Variants in SUPT3H observed in about 807,000 individuals in gnomAD.
The protein encoded by SUPT3H is SPT3 homolog, SAGA and STAGA complex component.
Under a neutral mutation model 44.3 loss-of-function variants are expected in SUPT3H, and 44 were observed. That is an observed-to-expected ratio of 0.99 (90% confidence interval 0.78 to 1.28). The LOEUF is 1.28. Ranked by LOEUF, SUPT3H falls within the 50% of genes most tolerant of loss-of-function variation. SUPT3H has a pLI of 0.00. For synonymous variants in SUPT3H, 124 were observed against 125.6 expected (o/e 0.99, Z 0.09); for missense variants, 380 against 387.1 (o/e 0.98, Z 0.15).
chr6:45,234,524 C>CT (rs1768707798), intron 2 of SUPT3H, among the ~76,000 whole-genome samples: 1 of 106,232 alleles, frequency 9.4e-6, no homozygotes, highest in Non-Finnish European at 1.9e-5. Context: ...GAACGAGACG[C>CT]TGTCACAAAA....
chr6:44,955,481 G>A (rs1392252585), intron 7 of SUPT3H: 1 of 152,282 alleles, frequency 6.6e-6, no homozygotes, highest in Non-Finnish European at 1.5e-5. Flanking sequence ...GGCGACCTGC[G>A]TGGGGCAACA....
chr6:45,107,879 G>GC (rs1406371218), intron 2 of SUPT3H, among the ~76,000 whole-genome samples: 4 of 152,012 alleles, frequency 2.6e-5, no homozygotes, highest in Non-Finnish European at 5.9e-5. Context: ...AGTAATTTAT[G>GC]TTTTTTTAAA....
chr6:45,365,358 A>G, intron 1 of SUPT3H, 57 bp from the exon 2 acceptor site: 1 of 1,107,320 alleles, frequency 9.0e-7, no homozygotes, highest in South Asian at 1.4e-5. Flanking sequence ...AGTAAATGCA[A>G]AAAAAAAAGA....
intron 2 of SUPT3H, among the ~76,000 whole-genome samples, chr6:45,158,299 T>TATATATATATATATATATA (rs1491302388): frequency 2.0e-3 from 27 of 13,392 alleles, no homozygotes; most frequent in African/African-American, 6.0e-3. Flanking sequence ...TATATATATA[T>TATATATATATATATATATA]TTTTTTTTTT....
Position 45,365,606 on chromosome 6 carries a change from GT to G in SUPT3H, c.1-306del, listed in dbSNP as rs199764028. Among the ~76,000 whole-genome samples, 7 of 149,342 alleles carry G rather than the reference GT, an allele frequency of 4.7e-5. No homozygotes were observed. In the East Asian group the frequency reaches 7.8e-4, roughly 17 times the overall value. Reference sequence around the variant, plus strand: ...TAACATATTTTACTAGAGCTCATTGGTTTTCAAAATGTGCTTCAGGGAGCCC... The same window carrying G: ...TAACATATTTTACTAGAGCTCATTGGTTTCAAAATGTGCTTCAGGGAGCCC... On this transcript the variant is annotated intron_variant, in intron 1 of 10. Transcript: ENST00000371459.
intron 9 of SUPT3H, among the ~76,000 whole-genome samples, chr6:44,950,501 A>C (rs2153472586): frequency 6.6e-6 from 1 of 152,330 alleles, no homozygotes; most frequent in South Asian, 2.1e-4. Flanking sequence ...AGTCCCAGCT[A>C]CATGGAAGGA....
chr6:45,310,496 C>T (rs927414617), intron 2 of SUPT3H, among the ~76,000 whole-genome samples: 6 of 152,108 alleles, frequency 3.9e-5, no homozygotes, highest in Non-Finnish European at 7.4e-5. Flanking sequence ...AGCATTAAAC[C>T]ACCAAAGCTA....
chr6:44,922,079 C>T (rs1768819030), intron 10 of SUPT3H, among the ~76,000 whole-genome samples: 1 of 152,220 alleles, frequency 6.6e-6, no homozygotes, highest in Admixed American at 6.5e-5. Flanking sequence ...GGTGCCAGGG[C>T]AAAAATTAAC....
chr6:45,007,798 G>A (rs1319325786), intron 5 of SUPT3H, among the ~76,000 whole-genome samples: 1 of 147,700 alleles, frequency 6.8e-6, no homozygotes, highest in African/African-American at 2.5e-5. Context: ...GTAAGGGTTT[G>A]AGTGGAGGAT....
chr6:45,184,375 G>C (rs538067975), intron 2 of SUPT3H, among the ~76,000 whole-genome samples: 1 of 152,078 alleles, frequency 6.6e-6, no homozygotes, highest in East Asian at 1.9e-4. Flanking sequence ...CAGGGGAAAT[G>C]GTAATAATGA....
chr6:45,347,681 T>G (rs1197429616), intron 2 of SUPT3H, among the ~76,000 whole-genome samples: 1 of 152,084 alleles, frequency 6.6e-6, no homozygotes, highest in Non-Finnish European at 1.5e-5. Context: ...CATAATCCTG[T>G]GAGATTATTC....
chr6:45,099,757 ATAAT>A (rs1338802790), intron 3 of SUPT3H, among the ~76,000 whole-genome samples: 1 of 152,230 alleles, frequency 6.6e-6, no homozygotes, highest in Non-Finnish European at 1.5e-5. Flanking sequence ...AAAATACCTA[ATAAT>A]TTATTAAAGC....
chr6:44,905,796 T>C (rs1003515026), intron 10 of SUPT3H, among the ~76,000 whole-genome samples: 1 of 152,164 alleles, frequency 6.6e-6, no homozygotes, highest in African/African-American at 2.4e-5. Context: ...AATGATAGAC[T>C]GGATTAAGAA....
rs1802739824 is a variant in SUPT3H at position 45,128,257 on chromosome 6, A to G, written c.102-22251T>C. Reference sequence around the variant, plus strand: ...TTCAGTGGCTCACGCCTGTAATCCCAGCACTTTGGGAGGCAGAGGCAGGCA... The same window carrying G: ...TTCAGTGGCTCACGCCTGTAATCCCGGCACTTTGGGAGGCAGAGGCAGGCA... On this transcript the variant is annotated intron_variant, in intron 2 of 10. Coordinates refer to ENST00000371459, the MANE Select transcript of SUPT3H (RefSeq NM_003599.4). Among the ~76,000 whole-genome samples the G allele has an allele frequency of 2.0e-5, 3 of 151,978 alleles. No individual in the cohort carries two copies. The South Asian group carries it at 6.3e-4, about 32-fold the overall frequency.
intron 3 of SUPT3H, chr6:45,099,117 C>T: frequency 2.9e-6 from 1 of 345,020 alleles, no homozygotes; most frequent in Non-Finnish European, 5.8e-6. Context: ...CCCTAGTCTT[C>T]CACACCCCCA....
At chr6:45,037,655 C>T (rs1787886227) in intron 3 of SUPT3H, among the ~76,000 whole-genome samples, 1 of 150,714 alleles carries the variant, frequency 6.6e-6, no homozygotes, top group African/African-American at 2.4e-5. Flanking sequence ...CAGAGCGAGA[C>T]TCCATATTAA....
At chr6:45,366,017 A>G (rs1795075505) in intron 1 of SUPT3H, among the ~76,000 whole-genome samples, 1 of 152,164 alleles carries the variant, frequency 6.6e-6, no homozygotes, top group Non-Finnish European at 1.5e-5. Context: ...AATGCATTAA[A>G]AAAATTGGCA....
intron 2 of SUPT3H, among the ~76,000 whole-genome samples, chr6:45,158,298 A>ATATATATATATATATATATATAT: frequency 5.0e-5 from 5 of 99,692 alleles, no homozygotes; most frequent in African/African-American, 2.5e-4. Context: ...ATATATATAT[A>ATATATATATATATATATATATAT]TTTTTTTTTT....
intron 2 of SUPT3H, among the ~76,000 whole-genome samples, chr6:45,166,835 T>C (rs1023251840): frequency 3.3e-5 from 5 of 152,168 alleles, no homozygotes; most frequent in South Asian, 2.1e-4. Flanking sequence ...CACCATTACA[T>C]ACCCACTAGA....
Sources: allele counts gnomAD v4.1 joint callset (sites outside exome capture counted in the v4.1 genomes callset), GRCh38; gene constraint gnomAD v4.1.1; transcripts MANE v1.5; gene names NCBI Gene and HGNC (gene_info 2026-07-23, HGNC 2026-07-21).